EP400: variants seen among roughly 807,000 people sequenced by gnomAD.
The protein encoded by EP400 is E1A binding protein p400.
Under a neutral mutation model 354.1 loss-of-function variants are expected in EP400, and 105 were observed. The observed-to-expected ratio is 0.30, with a 90% CI of 0.25 to 0.35. The LOEUF is 0.35. Among genes scored for constraint, EP400 ranks in the 10% least tolerant of loss-of-function variants. The probability of loss-of-function intolerance (pLI) is 1.00; values close to 1 mark genes in which losing one functional copy is unlikely to be tolerated. For synonymous variants in EP400, 1,646 were observed against 1,716.9 expected (o/e 0.96, Z 1.02); for missense variants, 3,280 against 4,121.0 (o/e 0.80, Z 5.59).
chr12:132,005,086 C>G lies in EP400; in HGVS notation c.2837C>G (p.Pro946Arg). Reference sequence around the variant, plus strand: ...CCGCAACCCTCTGCAGCTGAGCTGCCCCTCCTGGACCTGATGAAGCTGTAC... The same window carrying G: ...CCGCAACCCTCTGCAGCTGAGCTGCGCCTCCTGGACCTGATGAAGCTGTAC... Reference protein sequence around the residue: ...LSNLAKEAELPLLDLMKLYEG... With the variant: ...LSNLAKEAELRLLDLMKLYEG... Residue 946 changes from proline (P) to arginine (R), a missense_variant, in exon 13 of 53, where the codon CCC (proline) becomes CGC (arginine). Around this residue, in one of 20 missense-constraint regions of EP400, gnomAD observed 800 missense variants for 840.0 expected, o/e 0.95. Coordinates refer to ENST00000389561, the MANE Select transcript of EP400 (RefSeq NM_015409.5). 2 of 1,582,096 alleles carry G rather than the reference C, an allele frequency of 1.3e-6. No individual in the cohort carries two copies. The highest frequency in any genetic ancestry group is 1.7e-6 in the Non-Finnish European group (2 of 1,164,018).
At chr12:132,045,639 G>GC (rs1895070313) in intron 38 of EP400, 79 bp downstream of exon 38, 2 of 1,603,414 alleles carry the variant, frequency 1.2e-6, no homozygotes. Flanking sequence ...AGCTCACTGT[G>GC]ATCACTTTGC....
At chr12:131,953,616 G>A (rs1891594171) in intron 1 of EP400, among the ~76,000 whole-genome samples, 2 of 152,138 alleles carry the variant, frequency 1.3e-5, no homozygotes, top group Non-Finnish European at 2.9e-5. Context: ...GGTATCATTC[G>A]GAATTTATAT....
Position 131,990,123 on chromosome 12 carries a change from A to T in EP400, c.2550+19A>T, listed in dbSNP as rs200399995. The T allele has an allele frequency of 1.4e-5, 22 of 1,589,714 alleles. No homozygotes were observed. The highest frequency in any genetic ancestry group is 2.7e-5 in the African/African-American group (2 of 73,304). ...TGAACAGGCGAGTGCTGCCGTTGTC[A>T]TGGGGTCGTAAGAATCAGTCTGTCG... On this transcript the variant is annotated intron_variant, in intron 8 of 52. Transcript: ENST00000389561. The surrounding 1 kb of genome is among the most constrained non-coding windows in gnomAD (Gnocchi z 4.2).
At chr12:132,073,699 C>T (rs1262921372) in intron 51 of EP400, among the ~76,000 whole-genome samples, 1 of 151,970 alleles carries the variant, frequency 6.6e-6, no homozygotes, top group East Asian at 1.9e-4. Flanking sequence ...GATGCACCTG[C>T]CTTGGCCTCC....
At position 132,069,497 on chromosome 12, in the gene EP400, C is replaced by G; in HGVS notation, c.8877C>G (p.Ile2959Met). The G allele has an allele frequency of 6.2e-7, 1 of 1,614,016 alleles. No homozygotes were observed. Among genetic ancestry groups the G allele is most frequent in the Non-Finnish European group, 8.5e-7 (1 of 1,179,910 alleles). The change falls in exon 51 of 53, where the codon ATC becomes ATG. Residue 2959 changes from isoleucine (I) to methionine (M), a missense_variant and splice_region_variant. Physicochemically the swap from Ile to Met is conservative, Grantham distance 10. Around this residue, in one of 20 missense-constraint regions of EP400, gnomAD observed 279 missense variants for 386.7 expected, o/e 0.72. Coordinates refer to ENST00000389561, the MANE Select transcript of EP400 (RefSeq NM_015409.5). ...AQGPAAVQQK[I>M]TAQQITTPGA... is the part of the protein sequence containing the mutation. ...CTAATTTCGCAGTCTCTCCCCAGAT[C>G]ACCGCACAGCAGATCACCACCCCTG... is the stretch of plus-strand genomic sequence containing the variant.
At chr12:131,993,565 A>G (rs930779659) in intron 11 of EP400, among the ~76,000 whole-genome samples, 1 of 152,200 alleles carries the variant, frequency 6.6e-6, no homozygotes, top group African/African-American at 2.4e-5. Flanking sequence ...TCAGGAGCAC[A>G]TTTGTGTACA....
chr12:131,973,419 A>G (rs978316883), intron 2 of EP400, among the ~76,000 whole-genome samples: 1 of 152,188 alleles, frequency 6.6e-6, no homozygotes, highest in Non-Finnish European at 1.5e-5. Flanking sequence ...CGGTGGGCAG[A>G]TCACTTGAGG....
chr12:131,950,832 G>C (rs144404165), intron 1 of EP400, among the ~76,000 whole-genome samples: 3 of 152,166 alleles, frequency 2.0e-5, no homozygotes, highest in Non-Finnish European at 4.4e-5. Context: ...CGGCTCACTA[G>C]AGCCTCGACC....
At chr12:132,076,442 A>G (rs1375472423) in intron 51 of EP400, 74 bp from the exon 52 acceptor site, 4 of 1,469,210 alleles carry the variant, frequency 2.7e-6, no homozygotes, top group Non-Finnish European at 3.8e-6. Flanking sequence ...CTGAGGACAG[A>G]AAGGGAGGAA....
In EP400 at chr12:131,968,182, G is replaced by T. The variant is rs145351647; in HGVS notation, c.1335+6228G>T. Among the ~76,000 whole-genome samples, 444 of 152,250 alleles carry T rather than the reference G, an allele frequency of 2.9e-3. 4 individuals are homozygous for T. The highest frequency in any genetic ancestry group is 0.01 in the African/African-American group (419 of 41,548). On this transcript the variant is annotated intron_variant, in intron 2 of 52. Coordinates refer to ENST00000389561, the MANE Select transcript of EP400 (RefSeq NM_015409.5). ...ATCTAAGAGCTCTGCTCAATCCAGG[G>T]TCAGAAAGATGTTCTTCTGTGTTGT... is the stretch of plus-strand genomic sequence containing the variant.
rs1265951381 is a variant in EP400, at chr12:132,067,989, A to G, written c.8874+503A>G. ...GACGTGGATGGGGGCGCAGCAGGGCACTGGGCTCCAAGGGCGTCTACAGTC... is the reference window on the plus strand; with the variant it reads ...GACGTGGATGGGGGCGCAGCAGGGCGCTGGGCTCCAAGGGCGTCTACAGTC... On this transcript the variant is annotated intron_variant, in intron 50 of 52. Coordinates refer to ENST00000389561, the MANE Select transcript of EP400 (RefSeq NM_015409.5). The surrounding 1 kb of genome is among the most constrained non-coding windows in gnomAD (Gnocchi z 5.3). 2 of 156,022 alleles carry G rather than the reference A, an allele frequency of 1.3e-5. No homozygotes were observed. The highest frequency in any genetic ancestry group is 4.8e-5 in the African/African-American group (2 of 41,484). The allele number at this position is 156,022 out of a possible 1,614,324, so 9.7% of individuals were successfully genotyped here. A position where few individuals can be genotyped will look rare whatever the true frequency, so the allele number is the denominator to read the frequency against.
chr12:132,063,466 A>G (rs1045693295), intron 47 of EP400, among the ~76,000 whole-genome samples: 1 of 152,246 alleles, frequency 6.6e-6, no homozygotes, highest in African/African-American at 2.4e-5. Flanking sequence ...GTGCCACTGC[A>G]CTCCAGCCTG....
intron 2 of EP400, among the ~76,000 whole-genome samples, chr12:131,977,303 A>AT (rs769185264): frequency 0.01 from 1,451 of 140,638 alleles, 20 homozygotes; most frequent in African/African-American, 0.023. Flanking sequence ...CGTCTGACTA[A>AT]TTTTTTTTTT....
In EP400 at chr12:132,028,292, C is replaced by G; in HGVS notation, c.5381+4C>G. On this transcript the variant is annotated splice_donor_region_variant and intron_variant, in intron 27 of 52. Coordinates refer to ENST00000389561, the MANE Select transcript of EP400 (RefSeq NM_015409.5). The stretch of plus-strand genomic sequence containing the variant: ...CTCTGCAGGATGTTATTGACAGGTA[C>G]TGCAGACCTCGTGACCTTTTCGGTG... The G allele has an allele frequency of 6.2e-7, 1 of 1,609,226 alleles. No individual in the cohort carries two copies. The highest frequency in any genetic ancestry group is 1.3e-5 in the African/African-American group (1 of 74,968).
At chr12:132,071,947 TG>T (rs145789243) in intron 51 of EP400, among the ~76,000 whole-genome samples, 4,678 of 152,354 alleles carry the variant, frequency 0.031, 252 homozygotes, top group African/African-American at 0.11. Context: ...AGTGGACAGA[TG>T]GACTGTTGTA....
intron 2 of EP400, 93 bp downstream of exon 2, chr12:131,962,047 G>C: frequency 7.0e-7 from 1 of 1,428,022 alleles, no homozygotes; most frequent in Non-Finnish European, 9.3e-7. Flanking sequence ...TTGAGCCTGC[G>C]GTATTTCTAA....
chr12:132,050,218 C>T lies in EP400; in HGVS notation c.7201-105C>T. The T allele has an allele frequency of 7.3e-7, 1 of 1,374,494 alleles. No individual in the cohort carries two copies. The allele number at this position is 1,374,494 out of a possible 1,614,324, so 85.1% of individuals were successfully genotyped here. A position where few individuals can be genotyped will look rare whatever the true frequency, so the allele number is the denominator to read the frequency against. On this transcript the variant is annotated intron_variant, in intron 39 of 52. Transcript: ENST00000389561. The surrounding 1 kb of genome is among the most constrained non-coding windows in gnomAD (Gnocchi z 4.8). Reference sequence around the variant, plus strand: ...CAGGAAAAGGAAGTTTGTGTTCAGCCATGGGGAGTTTAGCCTCAGATTCCC... The same window carrying T: ...CAGGAAAAGGAAGTTTGTGTTCAGCTATGGGGAGTTTAGCCTCAGATTCCC...
intron 13 of EP400, 80 bp from the exon 14 acceptor site, chr12:132,006,032 T>G (rs1022323643): frequency 7.2e-7 from 1 of 1,398,344 alleles, no homozygotes; most frequent in Non-Finnish European, 9.6e-7. Context: ...TTCTATAAAC[T>G]TTTTCCTGTT....
chr12:132,036,875 CTTTG>C (rs1373277852), intron 30 of EP400, among the ~76,000 whole-genome samples: 1 of 152,092 alleles, frequency 6.6e-6, no homozygotes, highest in East Asian at 1.9e-4. Flanking sequence ...TATTTAGTTC[CTTTG>C]TTTGTGTCTG....
Sources: allele counts gnomAD v4.1 joint callset (sites outside exome capture counted in the v4.1 genomes callset), GRCh38; gene constraint gnomAD v4.1.1; regional missense constraint gnomAD v4.1.1; non-coding constraint Gnocchi (gnomAD v3.1); transcripts MANE v1.5; gene names NCBI Gene and HGNC (gene_info 2026-07-23, HGNC 2026-07-21).